The following SYAP1 variants were observed in gnomAD, a reference collection of about 807,000 sequenced individuals.
SYAP1 encodes the protein synapse-associated protein 1.
A neutral mutation model predicts 29.6 loss-of-function variants in SYAP1; 3 were observed. The observed-to-expected ratio is 0.10, with a 90% CI of 0.05 to 0.26. SYAP1 has a LOEUF of 0.26. SYAP1 is among the 10% of genes least tolerant of loss of function. SYAP1 has a pLI of 1.00. For synonymous variants in SYAP1, 102 were observed against 102.7 expected, an observed-to-expected ratio of 0.99 and a Z score of 0.04; for missense variants, 217 against 264.1, an observed-to-expected ratio of 0.82 and a Z score of 1.24.
At chrX:16,720,662 C>T (rs1354973708) in intron 1 of SYAP1, among the ~76,000 whole-genome samples, 1 of 111,948 alleles carries the variant, frequency 8.9e-6, no homozygotes, top group East Asian at 2.8e-4. Context: ...GTGGAGTAAA[C>T]ACATGCTGTA....
At chrX:16,753,216 C>T (rs960379163) in intron 5 of SYAP1, among the ~76,000 whole-genome samples, 2 of 104,521 alleles carry the variant, frequency 1.9e-5, no homozygotes, top group Non-Finnish European at 3.9e-5. Context: ...TGCACTCCAA[C>T]CTGGGTGACA....
At chrX:16,740,292 T>G (rs1397448224) in intron 3 of SYAP1, among the ~76,000 whole-genome samples, 1 of 110,233 alleles carries the variant, frequency 9.1e-6, no homozygotes, top group Non-Finnish European at 1.9e-5. Flanking sequence ...AACGGCTTAT[T>G]GAGGATTTGA....
chrX:16,722,493 A>G (rs1925985242), intron 1 of SYAP1, among the ~76,000 whole-genome samples: 1 of 106,817 alleles, frequency 9.4e-6, no homozygotes, highest in African/African-American at 3.4e-5. Flanking sequence ...GCGCCACTGC[A>G]CTCCAGTGTA....
rs1423136978 is a variant in SYAP1 at position 16,757,164 on chromosome X, T to C, written c.786T>C (p.Asp262=). 1.7e-6 allele frequency: 2 copies of C among 1,209,209 alleles called. No homozygotes were observed. Among genetic ancestry groups the C allele is most frequent in the Non-Finnish European group, 2.2e-6 (2 of 894,901 alleles). ...VIKSQLKTQE[D]EEEISTSPGV... ...AGAGCTCATTTGTTGCATTTCAGGA[T>C]GAGGAAGAAATTTCTACTAGCCCAG... Residue 262 remains aspartate, a splice_region_variant and synonymous_variant, in exon 8 of 9, where the codon GAT becomes GAC. Coordinates refer to ENST00000380155, the MANE Select transcript of SYAP1 (RefSeq NM_032796.4).
chrX:16,729,411 T>G (rs1926155690), intron 1 of SYAP1, among the ~76,000 whole-genome samples: 1 of 111,717 alleles, frequency 9.0e-6, no homozygotes, highest in Non-Finnish European at 1.9e-5. Flanking sequence ...TTATAACCCT[T>G]TATAATTTTC....
intron 3 of SYAP1, among the ~76,000 whole-genome samples, chrX:16,739,137 A>C (rs754620172): frequency 8.9e-6 from 1 of 111,833 alleles, no homozygotes; most frequent in South Asian, 3.7e-4. Flanking sequence ...GTGAGAAAAA[A>C]TGTTTTGGGG....
intron 1 of SYAP1, among the ~76,000 whole-genome samples, chrX:16,734,436 C>A (rs1010293483): frequency 9.2e-6 from 1 of 108,530 alleles, no homozygotes; most frequent in Non-Finnish European, 1.9e-5. Flanking sequence ...GCCAAGATTT[C>A]TATTTCTTAT....
intron 3 of SYAP1, among the ~76,000 whole-genome samples, chrX:16,737,495 T>C (rs1926356122): frequency 1.8e-5 from 2 of 112,207 alleles, no homozygotes; most frequent in Admixed American, 9.5e-5. Context: ...CATGAGCAAC[T>C]CTTTTAGACA....
Position 16,755,098 on chromosome X carries a change from A to G in SYAP1, c.724+5A>G, listed in dbSNP as rs1926814289. 1 of 1,211,051 alleles carries G rather than the reference A, an allele frequency of 8.3e-7. No homozygotes were observed. Among genetic ancestry groups the G allele is most frequent in the African/African-American group, 1.7e-5 (1 of 57,798 alleles). On this transcript the variant is annotated splice_donor_5th_base_variant and intron_variant, in intron 6 of 8. Transcript: ENST00000380155. ...AGCAAGATTTGCCGCTGGCAGGTAT[A>G]TTCTGGGTAGAAGACAGCACTCTAC...
rs1452815805 is a variant in SYAP1, at chrX:16,719,674, G to T, written c.-51G>T. On this transcript the variant is annotated 5_prime_UTR_variant, in exon 1 of 9. Coordinates refer to ENST00000380155, the MANE Select transcript of SYAP1 (RefSeq NM_032796.4). ...CAGAGTGGAGTCAAAGGCAACCAGT[G>T]CTCGCTGCGGTCTCTGGGGATCGGG... The T allele has an allele frequency of 7.7e-6, 9 of 1,173,093 alleles. No homozygotes were observed. The highest frequency in any genetic ancestry group is 5.3e-5 in the African/African-American group (3 of 56,451).
At chrX:16,724,082 G>A (rs184230545) in intron 1 of SYAP1, among the ~76,000 whole-genome samples, 4 of 112,414 alleles carry the variant, frequency 3.6e-5, no homozygotes, top group South Asian at 3.6e-4. Context: ...AGACTTATGG[G>A]ACTCAGCATA....
chrX:16,745,164 AG>A (rs1450804448), intron 5 of SYAP1, among the ~76,000 whole-genome samples: 1 of 112,171 alleles, frequency 8.9e-6, no homozygotes, highest in Non-Finnish European at 1.9e-5. Context: ...GTGGGAAGGT[AG>A]CTTATCCCCA....
intron 3 of SYAP1, among the ~76,000 whole-genome samples, chrX:16,740,168 G>T (rs181998290): frequency 2.0e-3 from 227 of 110,835 alleles, no homozygotes; most frequent in African/African-American, 7.3e-3. Context: ...CTCTCCAGAG[G>T]GTTGTCATTT....
At chrX:16,751,451 C>CA (rs1301725524) in intron 5 of SYAP1, among the ~76,000 whole-genome samples, 149 of 29,434 alleles carry the variant, frequency 5.1e-3, no homozygotes, top group East Asian at 0.014. Flanking sequence ...GACTCTGTCT[C>CA]AAAAAAAAAA....
chrX:16,734,933 A>G (rs1291564238), intron 1 of SYAP1, among the ~76,000 whole-genome samples: 1 of 98,609 alleles, frequency 1.0e-5, no homozygotes, highest in African/African-American at 3.8e-5. Flanking sequence ...TAGGAGGCAG[A>G]GCTTGCAGTG....
intron 1 of SYAP1, among the ~76,000 whole-genome samples, chrX:16,731,940 C>CAAAAAAAAAAAAAAA (rs770541131): frequency 2.1e-5 from 2 of 96,476 alleles, no homozygotes; most frequent in African/African-American, 8.3e-5. Flanking sequence ...AACTCTGTCT[C>CAAAAAAAAAAAAAAA]AAAAAAAAAA....
rs1020139666 is a variant in SYAP1, at chrX:16,763,788, G to T, written c.*3429G>T. The T allele has an allele frequency of 2.7e-5, 3 of 111,274 alleles. No individual in the cohort carries two copies. The Admixed American group carries it at 2.9e-4, about 11-fold the overall frequency. The allele number at this position is 111,274 out of a possible 1,213,427, so 9.2% of individuals were successfully genotyped here. ...TTTAATCAAAATATTGTTAAAAATA[G>T]GATTTCAGGACATTTAAAAGGTTTC... On this transcript the variant is annotated 3_prime_UTR_variant, in exon 9 of 9. Coordinates refer to ENST00000380155, the MANE Select transcript of SYAP1 (RefSeq NM_032796.4).
rs78503807 is a variant in SYAP1, at chrX:16,745,563, TA to T, written c.575+1735del. On this transcript the variant is annotated intron_variant, in intron 5 of 8. Transcript: ENST00000380155. ...CAAATAGTGAAACCCTGTTTCTACT[TA>T]AAAAAAAAAAATACAAAAAATTAGA... Among the ~76,000 whole-genome samples the T allele has an allele frequency of 8.6e-3, 887 of 102,663 alleles. 8 individuals are homozygous for T. The highest frequency in any genetic ancestry group is 0.021 in the African/African-American group (593 of 28,519). 89.2% of individuals were successfully genotyped at this position (102,663 alleles called of 115,157 possible). A position where few individuals can be genotyped will look rare whatever the true frequency, so the allele number is the denominator to read the frequency against.
chrX:16,730,000 G>A (rs773848268), intron 1 of SYAP1, among the ~76,000 whole-genome samples: 7 of 111,548 alleles, frequency 6.3e-5, no homozygotes, highest in South Asian at 3.7e-4. Context: ...TTTACCAAAA[G>A]CATATTTTAC....
Sources: gnomAD v4.1 joint callset for allele counts (sites outside exome capture counted in the v4.1 genomes callset) on GRCh38, gnomAD v4.1.1 for gene constraint, MANE v1.5 for transcripts, NCBI Gene and HGNC (gene_info 2026-07-23, HGNC 2026-07-21) for gene names.